Variants in BPIFB3 observed in about 807,000 individuals in gnomAD.
BPIFB3 encodes BPI fold containing family B member 3.
In BPIFB3, 49 loss-of-function variants were observed where a neutral mutation model predicts 53.1. That is an observed-to-expected ratio of 0.92 (90% CI 0.73 to 1.17). The LOEUF (loss-of-function observed/expected upper bound fraction) is 1.17. Ranked by LOEUF, BPIFB3 falls within the 50% of genes most tolerant of loss-of-function variation. The pLI is 0.00. For synonymous variants in BPIFB3, 271 were observed against 269.6 expected, an observed-to-expected ratio of 1.01 and a Z score of -0.05; for missense variants, 628 against 592.5, an observed-to-expected ratio of 1.06 and a Z score of -0.62.
intron 10 of BPIFB3, 99 bp downstream of exon 11, chr20:33,069,072 T>G: frequency 7.3e-7 from 1 of 1,368,622 alleles, no homozygotes; most frequent in South Asian, 1.4e-5. Flanking sequence ...GATTTCAGGG[T>G]GGGAGCCCCA....
chr20:33,067,109 C>T (rs1043616020), intron 9 of BPIFB3, among the ~76,000 whole-genome samples: 1 of 152,204 alleles, frequency 6.6e-6, no homozygotes, highest in Non-Finnish European at 1.5e-5. Flanking sequence ...GGCATTTATC[C>T]TATGGAAATT....
chr20:33,067,608 A>G (rs935204355), intron 9 of BPIFB3, among the ~76,000 whole-genome samples: 4 of 152,226 alleles, frequency 2.6e-5, no homozygotes, highest in Middle Eastern at 6.3e-3. Context: ...GCTAAAGGGC[A>G]TAGGAGCCTC....
exon 14 of BPIFB3, chr20:33,072,757 T>C: frequency 6.2e-7 from 1 of 1,613,882 alleles, no homozygotes; most frequent in South Asian, 1.1e-5. Flanking sequence ...AGGTTCTTAA[T>C]ATCAATTTTT....
At chr20:33,071,168 T>G in intron 11 of BPIFB3, 85 bp from the exon 13 acceptor site, 18 of 1,283,356 alleles carry the variant, frequency 1.4e-5, no homozygotes, top group East Asian at 2.7e-5. Context: ...TTCCTGATGA[T>G]GAGAGCTATG....
intron 2 of BPIFB3, among the ~76,000 whole-genome samples, chr20:33,057,190 T>C (rs1177211936): frequency 2.6e-5 from 4 of 150,986 alleles, no homozygotes; most frequent in African/African-American, 7.4e-5. Flanking sequence ...AAAAAGCTTT[T>C]TTTTCCCTTT....
intron 9 of BPIFB3, among the ~76,000 whole-genome samples, chr20:33,067,594 C>T (rs924620747): frequency 1.1e-4 from 16 of 152,202 alleles, no homozygotes; most frequent in Non-Finnish European, 2.9e-5. Context: ...TCCAGAGTCC[C>T]TTGGCTAAAG....
intron 5 of BPIFB3, among the ~76,000 whole-genome samples, chr20:33,062,402 C>A (rs1166837237): frequency 6.6e-6 from 1 of 152,166 alleles, no homozygotes; most frequent in Non-Finnish European, 1.5e-5. Context: ...CACGGCCTAG[C>A]TGGCTCTCCC....
intron 2 of BPIFB3, among the ~76,000 whole-genome samples, chr20:33,056,924 C>A (rs1980234434): frequency 6.6e-6 from 1 of 152,194 alleles, no homozygotes; most frequent in African/African-American, 2.4e-5. Context: ...TAGTTACTCA[C>A]TGTTTGACCT....
intron 11 of BPIFB3, among the ~76,000 whole-genome samples, chr20:33,070,291 C>T (rs1447615342): frequency 6.6e-6 from 1 of 152,180 alleles, no homozygotes; most frequent in African/African-American, 2.4e-5. Flanking sequence ...AGACAACCGG[C>T]CTTGAGTGTC....
intron 1 of BPIFB3, among the ~76,000 whole-genome samples, chr20:33,056,032 C>A (rs973599918): frequency 1.3e-5 from 2 of 152,216 alleles, no homozygotes; most frequent in Non-Finnish European, 2.9e-5. Context: ...CTCCATCCTG[C>A]CCTTCCCACA....
chr20:33,059,298 C>G (rs1980341703), intron 2 of BPIFB3, 80 bp from the exon 4 acceptor site: 43 of 991,700 alleles, frequency 4.3e-5, no homozygotes, highest in Non-Finnish European at 6.7e-5. Context: ...AGATAGGGGA[C>G]ACCACCAAGA....
chr20:33,055,489 G>A (rs1161049980), exon 1 of BPIFB3: 26 of 1,613,822 alleles, frequency 1.6e-5, no homozygotes, highest in Non-Finnish European at 2.2e-5. Flanking sequence ...CTCCATGCCA[G>A]GAGCTGCTAG....
intron 12 of BPIFB3, 31 bp from the exon 14 acceptor site, chr20:33,072,073 C>T (rs1225324396): frequency 1.2e-6 from 2 of 1,612,608 alleles, no homozygotes; most frequent in Admixed American, 3.3e-5. Flanking sequence ...CCCAGAGCAC[C>T]ACCCCCACCA....
At chr20:33,070,645 C>T (rs764105764) in intron 11 of BPIFB3, among the ~76,000 whole-genome samples, 38 of 152,194 alleles carry the variant, frequency 2.5e-4, no homozygotes, top group African/African-American at 3.4e-4. Context: ...TGAGACCTGA[C>T]GTCCTACGCC....
chr20:33,059,923 A>G lies in BPIFB3; in HGVS notation c.419A>G (p.Glu140Gly), dbSNP rs774437211. ...GGTGGCCTTCTGCAGCTGGCTGCGG[A>G]GGTGAACGTGACATCGCGGGTGGCG... is the stretch of plus-strand genomic sequence containing the variant. The change falls in exon 4 of 15, where the codon GAG becomes GGG. Residue 140 changes from glutamate (E) to glycine (G), a missense_variant. Transcript: ENST00000375494. 3.1e-6 allele frequency: 5 copies of G among 1,614,068 alleles called. No homozygotes were observed. The South Asian group carries it at 4.4e-5, about 14-fold the overall frequency.
intron 3 of BPIFB3, 23 bp downstream of exon 4, chr20:33,059,505 T>G: frequency 1.3e-6 from 2 of 1,551,926 alleles, no homozygotes; most frequent in Non-Finnish European, 1.8e-6. Context: ...TGGGGACCTC[T>G]ACCCTCCTGC....
chr20:33,055,421 G>A (rs1197520755), upstream of BPIFB3: 3 of 1,613,282 alleles, frequency 1.9e-6, no homozygotes, highest in African/African-American at 2.7e-5. Context: ...GCTCCTTATA[G>A]GCATGCAGCC....
intron 11 of BPIFB3, among the ~76,000 whole-genome samples, 171 bp downstream of exon 12, chr20:33,070,126 A>G (rs1007361681): frequency 1.3e-5 from 2 of 152,148 alleles, no homozygotes; most frequent in Non-Finnish European, 2.9e-5. Context: ...AGTCCATGTT[A>G]TAGACAAGGA....
At chr20:33,065,743 C>T (rs983533531) in intron 8 of BPIFB3, among the ~76,000 whole-genome samples, 1 of 152,170 alleles carries the variant, frequency 6.6e-6, no homozygotes, top group African/African-American at 2.4e-5. Context: ...AGCCCAGACC[C>T]CAGAAGCCCC....
Sources: allele counts gnomAD v4.1 joint callset (sites outside exome capture counted in the v4.1 genomes callset), GRCh38; gene constraint gnomAD v4.1.1; transcripts MANE v1.5; gene names NCBI Gene and HGNC (gene_info 2026-07-23, HGNC 2026-07-21).